The following SOX5 variants were observed in gnomAD, a reference collection of about 807,000 sequenced individuals.
SOX5 encodes SRY-box transcription factor 5.
In SOX5, 9 loss-of-function variants were observed where a neutral mutation model predicts 92.0. The ratio of observed to expected loss-of-function variants is 0.10; its 90% CI spans 0.06 to 0.17. The LOEUF is 0.17. Ranked by LOEUF, SOX5 falls within the 10% of genes least tolerant of loss-of-function variation. The pLI is 1.00. For synonymous variants in SOX5, 344 were observed against 336.3 expected, an observed-to-expected ratio of 1.02 and a Z score of -0.25; for missense variants, 642 against 944.5, an observed-to-expected ratio of 0.68 and a Z score of 4.20.
At chr12:24,185,279 A>G (rs2139334613) in intron 4 of SOX5, among the ~76,000 whole-genome samples, 1 of 152,234 alleles carries the variant, frequency 6.6e-6, no homozygotes, top group South Asian at 2.1e-4. Context: ...CATTGCTCCT[A>G]GAATAGATAT....
intron 11 of SOX5, among the ~76,000 whole-genome samples, chr12:23,557,810 C>T (rs537430312): frequency 6.6e-6 from 1 of 152,124 alleles, no homozygotes; most frequent in South Asian, 2.1e-4. Flanking sequence ...CTTGCCTCTA[C>T]TGAAAATACA....
At chr12:24,026,956 ATTG>A (rs903731897) in intron 4 of SOX5, among the ~76,000 whole-genome samples, 1 of 152,086 alleles carries the variant, frequency 6.6e-6, no homozygotes, top group Non-Finnish European at 1.5e-5. Flanking sequence ...TTTGTATCAT[ATTG>A]TTGTAGTTAT....
intron 4 of SOX5, among the ~76,000 whole-genome samples, chr12:24,156,710 T>G (rs1368812372): frequency 6.6e-6 from 1 of 152,154 alleles, no homozygotes; most frequent in Non-Finnish European, 1.5e-5. Flanking sequence ...ATACAACAAT[T>G]AATGAGTTCA....
At chr12:23,820,823 C>T (rs12424328) in intron 3 of SOX5, among the ~76,000 whole-genome samples, 27,715 of 152,024 alleles carry the variant, frequency 0.18, 3,159 homozygotes, top group East Asian at 0.53. Context: ...TTGGTTACTA[C>T]AGCCTTGTAG....
At chr12:24,064,743 T>C (rs569396572) in intron 4 of SOX5, among the ~76,000 whole-genome samples, 2 of 152,262 alleles carry the variant, frequency 1.3e-5, no homozygotes, top group Non-Finnish European at 2.9e-5. Context: ...CAGCAGAAGC[T>C]CAAAAAATAT....
chr12:23,633,240 C>T (rs1408028590), intron 8 of SOX5, among the ~76,000 whole-genome samples: 5 of 152,036 alleles, frequency 3.3e-5, no homozygotes, highest in Admixed American at 3.3e-4. Flanking sequence ...AAAACAGAAA[C>T]AGTACATTAC....
intron 4 of SOX5, among the ~76,000 whole-genome samples, chr12:23,979,707 G>GTTT (rs1177945407): frequency 5.2e-5 from 4 of 77,498 alleles, no homozygotes; most frequent in Admixed American, 2.0e-4. Flanking sequence ...TGTTTTTTTT[G>GTTT]TTTTTTTTTT....
chr12:24,101,179 G>A (rs904244395), intron 4 of SOX5, among the ~76,000 whole-genome samples: 2 of 152,080 alleles, frequency 1.3e-5, no homozygotes, highest in African/African-American at 4.8e-5. Flanking sequence ...GTCTTTCCTT[G>A]ATTTGGTTCC....
chr12:24,354,723 A>T (rs1175949995), intron 2 of SOX5, among the ~76,000 whole-genome samples: 1 of 152,248 alleles, frequency 6.6e-6, no homozygotes, highest in African/African-American at 2.4e-5. Flanking sequence ...GGTCTCTAAC[A>T]CAACAGGATG....
Position 23,994,477 on chromosome 12 carries a change from A to G in SOX5, c.-1-98453T>C, listed in dbSNP as rs1415566330. 2.6e-5 allele frequency among the ~76,000 whole-genome samples: 4 copies of G among 152,326 alleles called. No individual in the cohort carries two copies. The East Asian group carries it at 7.7e-4, about 29-fold the overall frequency. ...TATAGATACAGATATCTACATCAAT[A>G]TATGTGCCTGTTATCTGTATCGGTT... On this transcript the variant is annotated intron_variant, in intron 4 of 4. Transcript: ENST00000446891.
At chr12:24,138,333 A>G (rs911893249) in intron 4 of SOX5, among the ~76,000 whole-genome samples, 12 of 152,102 alleles carry the variant, frequency 7.9e-5, no homozygotes, top group African/African-American at 2.9e-4. Context: ...ATTCTCTTAC[A>G]TCGCAGTTTG....
intron 6 of SOX5, among the ~76,000 whole-genome samples, chr12:23,724,016 T>C: frequency 6.6e-6 from 1 of 152,206 alleles, no homozygotes; most frequent in Non-Finnish European, 1.5e-5. Flanking sequence ...TCCTGATTTA[T>C]AAATATTTAT....
At chr12:24,421,807 T>C (rs1337519489) in intron 1 of SOX5, among the ~76,000 whole-genome samples, 3 of 152,384 alleles carry the variant, frequency 2.0e-5, no homozygotes, top group South Asian at 2.1e-4. Context: ...TTTTCCTTTA[T>C]ATATCCTATC....
intron 3 of SOX5, among the ~76,000 whole-genome samples, chr12:23,835,457 AT>A (rs2096398696): frequency 6.6e-6 from 1 of 151,724 alleles, no homozygotes; most frequent in African/African-American, 2.4e-5. Flanking sequence ...TTTCACCCAA[AT>A]ATTTAATTCC....
At chr12:24,329,983 A>T (rs1393457260) in intron 2 of SOX5, among the ~76,000 whole-genome samples, 2 of 152,228 alleles carry the variant, frequency 1.3e-5, no homozygotes, top group African/African-American at 4.8e-5. Context: ...AGATCGTGCC[A>T]TTGCCCTCCA....
At chr12:24,270,187 A>G (rs2140318195) in intron 3 of SOX5, among the ~76,000 whole-genome samples, 1 of 151,952 alleles carries the variant, frequency 6.6e-6, no homozygotes, top group Admixed American at 6.6e-5. Flanking sequence ...TAGCCTCCCG[A>G]GTGGCTGAGA....
chr12:24,186,675 T>C (rs934714034), intron 4 of SOX5, among the ~76,000 whole-genome samples: 7 of 152,108 alleles, frequency 4.6e-5, no homozygotes, highest in African/African-American at 1.7e-4. Context: ...AAAAAGTATA[T>C]GCCCTTAAAC....
At chr12:24,412,076 C>T (rs189139767) in intron 1 of SOX5, among the ~76,000 whole-genome samples, 121 of 151,924 alleles carry the variant, frequency 8.0e-4, no homozygotes, top group Middle Eastern at 3.4e-3. Context: ...TGTAGTAGTC[C>T]CATATTATCC....
chr12:23,981,742 G>A (rs939780485), intron 4 of SOX5, among the ~76,000 whole-genome samples: 3 of 151,970 alleles, frequency 2.0e-5, no homozygotes, highest in African/African-American at 7.2e-5. Context: ...ATTTCATCAA[G>A]AGGCTAAAGA....
Sources: gnomAD v4.1 joint callset for allele counts (sites outside exome capture counted in the v4.1 genomes callset) on GRCh38, gnomAD v4.1.1 for gene constraint, MANE v1.5 for transcripts, NCBI Gene and HGNC (gene_info 2026-07-23, HGNC 2026-07-21) for gene names.